The following NEK4 variants were observed in gnomAD, a reference collection of about 807,000 sequenced individuals.
The protein encoded by NEK4 is serine/threonine-protein kinase Nek4.
Under a neutral mutation model 98.4 loss-of-function variants are expected in NEK4, and 86 were observed. The observed-to-expected ratio is 0.87, with a 90% CI of 0.73 to 1.05. The LOEUF (loss-of-function observed/expected upper bound fraction) is 1.05, where lower values mean the gene tolerates loss of function less well. Among genes scored for constraint, NEK4 ranks in the 50% least tolerant of loss-of-function variants. The pLI is 0.00. For synonymous variants in NEK4, 328 were observed against 342.2 expected (o/e 0.96, Z 0.46); for missense variants, 898 against 950.3 (o/e 0.94, Z 0.72).
rs1293541946 is a variant in NEK4, at chr3:52,763,452, G to A, written c.821+18C>T. ...CCCCATCTATTTAGCCCAGCTATTT[G>A]CAAGGGAAGTATCTTACATCTTTGT... is the stretch of plus-strand genomic sequence containing the variant. On this transcript the variant is annotated intron_variant, in intron 5 of 15. Coordinates refer to ENST00000233027, the MANE Select transcript of NEK4 (RefSeq NM_003157.6). 1.9e-6 allele frequency: 3 copies of A among 1,603,050 alleles called. No individual in the cohort carries two copies. The African/African-American group carries it at 4.0e-5, about 22-fold the overall frequency.
At chr3:52,713,194 G>GT (rs1347975100) in intron 15 of NEK4, among the ~76,000 whole-genome samples, 1 of 152,188 alleles carries the variant, frequency 6.6e-6, no homozygotes, top group Non-Finnish European at 1.5e-5. Flanking sequence ...CACCTAGTAT[G>GT]TTAAACAGAT....
intron 6 of NEK4, chr3:52,753,378 G>A (rs1440315181): frequency 8.7e-6 from 3 of 346,802 alleles, no homozygotes; most frequent in African/African-American, 4.3e-5. Context: ...CAGAGATGCC[G>A]CTGGGCCACA....
At chr3:52,731,711 G>T (rs1242516539) in intron 15 of NEK4, among the ~76,000 whole-genome samples, 1 of 152,178 alleles carries the variant, frequency 6.6e-6, no homozygotes, top group East Asian at 1.9e-4. Flanking sequence ...GCACACACAG[G>T]AGTCTTGCCA....
intron 8 of NEK4, among the ~76,000 whole-genome samples, chr3:52,749,457 T>C (rs1210091477): frequency 6.6e-6 from 1 of 151,958 alleles, no homozygotes. Context: ...TCAAATGCTG[T>C]ATCTAATAAG....
chr3:52,753,928 G>C, intron 6 of NEK4: 1 of 313,240 alleles, frequency 3.2e-6, no homozygotes, highest in Admixed American at 4.3e-5. Context: ...CCAGCACTTT[G>C]AGAGTCCGAG....
chr3:52,723,073 C>CA (rs949501847), intron 15 of NEK4, among the ~76,000 whole-genome samples: 4 of 151,950 alleles, frequency 2.6e-5, no homozygotes, highest in African/African-American at 9.7e-5. Flanking sequence ...AGTATGGTGG[C>CA]ATGTGCCTGT....
chr3:52,734,908 CAA>C (rs796414830), intron 15 of NEK4: 3 of 214,686 alleles, frequency 1.4e-5, no homozygotes, highest in South Asian at 6.4e-5. Context: ...AGAATATTAC[CAA>C]AAAAAAAGGG....
intron 13 of NEK4, among the ~76,000 whole-genome samples, chr3:52,739,848 T>G (rs1035515582): frequency 6.6e-6 from 1 of 152,136 alleles, no homozygotes; most frequent in Admixed American, 6.6e-5. Context: ...AAACAAAATC[T>G]GCAGGCAGAT....
rs747287413 is a variant in NEK4, at chr3:52,739,641, GA to G, written c.2094-8del. On this transcript the variant is annotated splice_polypyrimidine_tract_variant and splice_region_variant and intron_variant, in intron 13 of 15. Coordinates refer to ENST00000233027, the MANE Select transcript of NEK4 (RefSeq NM_003157.6). The stretch of plus-strand genomic sequence containing the variant: ...TTCATTTGTCTGACCTTTCCTGGGG[GA>G]AAAAAATATCCCTTTGTTATTTAAT... 2.6e-5 allele frequency: 42 copies of G among 1,597,994 alleles called. No individual in the cohort carries two copies. The highest frequency in any genetic ancestry group is 5.4e-5 in the African/African-American group (4 of 74,160).
chr3:52,714,516 C>T (rs1370741105), intron 15 of NEK4, among the ~76,000 whole-genome samples: 1 of 152,158 alleles, frequency 6.6e-6, no homozygotes, highest in Non-Finnish European at 1.5e-5. Flanking sequence ...CGCCCCCAGG[C>T]CCGGACCCTC....
intron 15 of NEK4, among the ~76,000 whole-genome samples, chr3:52,724,413 A>G (rs2097362722): frequency 6.6e-6 from 1 of 152,220 alleles, no homozygotes; most frequent in Admixed American, 6.5e-5. Context: ...TCAAAATGCT[A>G]AAAGAAAAAA....
intron 1 of NEK4, 30 bp from the exon 2 acceptor site, chr3:52,768,634 T>C: frequency 6.2e-7 from 1 of 1,607,096 alleles, no homozygotes; most frequent in Non-Finnish European, 8.5e-7. Flanking sequence ...TTTTACAATG[T>C]GCAAATAAAC....
At position 52,752,030 on chromosome 3, in the gene NEK4, G is replaced by A. The variant is rs2097406060; in HGVS notation, c.1270C>T (p.Leu424=). Residue 424 remains leucine (L), a synonymous_variant, in exon 7 of 16, where the codon CTG becomes TTG. Transcript: ENST00000233027. ...ATGTCAGAGGACCACATGGGAATCA[G>A]GTTTTCAGGCTGGGCACTGGATTTA... The part of the protein sequence containing the change: ...NTKSSAQPEN[L]IPMWSSDIVT... 6.2e-7 allele frequency: 1 copy of A among 1,614,182 alleles called. No individual in the cohort carries two copies. The highest frequency in any genetic ancestry group is 8.5e-7 in the Non-Finnish European group (1 of 1,180,028).
intron 7 of NEK4, among the ~76,000 whole-genome samples, chr3:52,750,710 C>T (rs1312885605): frequency 1.3e-5 from 2 of 151,904 alleles, no homozygotes; most frequent in Non-Finnish European, 2.9e-5. Context: ...GGAGGACTGT[C>T]GAGCCCAGGA....
intron 1 of NEK4, 109 bp downstream of exon 1, chr3:52,770,545 G>A (rs1698739434): frequency 3.8e-6 from 3 of 790,498 alleles, no homozygotes; most frequent in Non-Finnish European, 6.3e-6. Context: ...CTGAGGAAAC[G>A]CCATCCGAGA....
chr3:52,770,880 T>C lies in NEK4; in HGVS notation c.-134A>G. ...TTGAGGCAGCCGGGCCCGGGCGGGATTGCTGGGGCCCGGCCCGCGACGACG... is the reference window on the plus strand; with the variant it reads ...TTGAGGCAGCCGGGCCCGGGCGGGACTGCTGGGGCCCGGCCCGCGACGACG... On this transcript the variant is annotated 5_prime_UTR_variant, in exon 1 of 16. Coordinates refer to ENST00000233027, the MANE Select transcript of NEK4 (RefSeq NM_003157.6). 1 of 743,580 alleles carries C rather than the reference T, an allele frequency of 1.3e-6. No individual in the cohort carries two copies. Among genetic ancestry groups the C allele is most frequent in the Non-Finnish European group, 2.2e-6 (1 of 457,006 alleles). The allele number at this position is 743,580 out of a possible 1,614,324, so 46.1% of individuals were successfully genotyped here.
At chr3:52,763,405 T>C (rs1259075883) in intron 5 of NEK4, 65 bp downstream of exon 5, 1 of 1,450,376 alleles carries the variant, frequency 6.9e-7, no homozygotes. Context: ...CATATGAATA[T>C]TACAGAAGCC....
At position 52,763,457 on chromosome 3, in the gene NEK4, G is replaced by A. The variant is rs374771817; in HGVS notation, c.821+13C>T. 1 of 1,607,604 alleles carries A rather than the reference G, an allele frequency of 6.2e-7. No individual in the cohort carries two copies. The highest frequency in any genetic ancestry group is 1.3e-5 in the African/African-American group (1 of 74,754). Reference sequence around the variant, plus strand: ...TCTATTTAGCCCAGCTATTTGCAAGGGAAGTATCTTACATCTTTGTGGCCT... The same window carrying A: ...TCTATTTAGCCCAGCTATTTGCAAGAGAAGTATCTTACATCTTTGTGGCCT... On this transcript the variant is annotated intron_variant, in intron 5 of 15. Transcript: ENST00000233027.
At chr3:52,764,556 G>T (rs1019190150) in intron 4 of NEK4, among the ~76,000 whole-genome samples, 2 of 151,794 alleles carry the variant, frequency 1.3e-5, no homozygotes, top group Non-Finnish European at 2.9e-5. Flanking sequence ...GCGTGAACCC[G>T]AGAGGCAGAG....
Sources: gnomAD v4.1 joint callset for allele counts (sites outside exome capture counted in the v4.1 genomes callset) on GRCh38, gnomAD v4.1.1 for gene constraint, MANE v1.5 for transcripts, NCBI Gene and HGNC (gene_info 2026-07-23, HGNC 2026-07-21) for gene names.